SAMMSON: variants seen among roughly 807,000 people sequenced by gnomAD.
SAMMSON encodes the protein survival associated mitochondrial melanoma specific oncogenic non-coding RNA, also known as long intergenic non-protein coding RNA 1212.
At chr3:70,368,951 G>A (rs1374596402) in intron 9 of SAMMSON, among the ~76,000 whole-genome samples, 1 of 151,500 alleles carries the variant, frequency 6.6e-6, no homozygotes, top group Non-Finnish European at 1.5e-5. Flanking sequence ...GATTCTTCTG[G>A]TAAGAATTAA....
chr3:70,102,587 G>A (rs2067350339), intron 4 of SAMMSON, among the ~76,000 whole-genome samples: 1 of 152,146 alleles, frequency 6.6e-6, no homozygotes, highest in Non-Finnish European at 1.5e-5. Flanking sequence ...CTGGGTGGCA[G>A]GGGTGATATC....
chr3:70,226,732 T>C (rs1701510239), intron 4 of SAMMSON, among the ~76,000 whole-genome samples: 1 of 125,530 alleles, frequency 8.0e-6, no homozygotes, highest in Non-Finnish European at 1.6e-5. Flanking sequence ...AGAGAGACTC[T>C]GTCTTAAAAA....
chr3:70,314,827 C>T (rs1046245105), intron 7 of SAMMSON, among the ~76,000 whole-genome samples: 2 of 152,052 alleles, frequency 1.3e-5, no homozygotes, highest in Non-Finnish European at 2.9e-5. Flanking sequence ...CCATTCCTAC[C>T]CACAAACCTG....
intron 9 of SAMMSON, among the ~76,000 whole-genome samples, chr3:70,361,092 G>T (rs1358312204): frequency 6.6e-6 from 1 of 152,136 alleles, no homozygotes; most frequent in Admixed American, 6.6e-5. Context: ...GACACGAAGT[G>T]CTAAGATGGA....
intron 6 of SAMMSON, among the ~76,000 whole-genome samples, chr3:70,257,821 T>A (rs750675903): frequency 5.9e-5 from 9 of 152,174 alleles, no homozygotes; most frequent in Non-Finnish European, 1.0e-4. Flanking sequence ...TAGGTAAGCC[T>A]TAACCATTTT....
chr3:70,220,068 C>T (rs1289159096), intron 4 of SAMMSON, among the ~76,000 whole-genome samples: 1 of 151,968 alleles, frequency 6.6e-6, no homozygotes, highest in Non-Finnish European at 1.5e-5. Flanking sequence ...GCAAGGAAAA[C>T]TAGATCAAAT....
At chr3:70,165,036 T>C (rs2067631664) in intron 4 of SAMMSON, among the ~76,000 whole-genome samples, 1 of 152,036 alleles carries the variant, frequency 6.6e-6, no homozygotes, top group African/African-American at 2.4e-5. Context: ...ATAAGATATG[T>C]TTTCAAGAGA....
intron 2 of SAMMSON, among the ~76,000 whole-genome samples, chr3:70,427,204 T>A (rs1037538792): frequency 1.1e-4 from 16 of 152,160 alleles, no homozygotes; most frequent in Non-Finnish European, 2.2e-4. Flanking sequence ...GCATACAACA[T>A]CTGCAACGGT....
chr3:70,400,406 T>C (rs1701130880), intron 2 of SAMMSON, among the ~76,000 whole-genome samples: 1 of 152,098 alleles, frequency 6.6e-6, no homozygotes, highest in East Asian at 1.9e-4. Context: ...TCTGGTTTCG[T>C]TGGGTCCTCT....
intron 3 of SAMMSON, among the ~76,000 whole-genome samples, chr3:70,053,406 G>A (rs185281150): frequency 2.3e-3 from 347 of 152,204 alleles, no homozygotes; most frequent in African/African-American, 8.1e-3. Flanking sequence ...TGTCAATGGG[G>A]CAATTGAACT....
At chr3:70,100,770 A>G (rs908908565) in intron 4 of SAMMSON, among the ~76,000 whole-genome samples, 6 of 152,078 alleles carry the variant, frequency 3.9e-5, no homozygotes, top group African/African-American at 9.7e-5. Flanking sequence ...TAAGGGGGGA[A>G]AAAATCAACA....
At chr3:70,406,849 A>G (rs1164614490) in intron 2 of SAMMSON, among the ~76,000 whole-genome samples, 1 of 152,210 alleles carries the variant, frequency 6.6e-6, no homozygotes, top group Non-Finnish European at 1.5e-5. Context: ...GTGAGATGAT[A>G]GGCTATGTAA....
chr3:70,280,530 T>C (rs1392977883), intron 6 of SAMMSON, among the ~76,000 whole-genome samples: 1 of 152,152 alleles, frequency 6.6e-6, no homozygotes, highest in Non-Finnish European at 1.5e-5. Flanking sequence ...AAGCATTATC[T>C]CTACTTTTGC....
At chr3:70,388,368 G>T (rs929206791) in intron 9 of SAMMSON, among the ~76,000 whole-genome samples, 13 of 151,828 alleles carry the variant, frequency 8.6e-5, no homozygotes, top group South Asian at 6.2e-4. Flanking sequence ...TTTTCTATTT[G>T]GTTCTTTACA....
intron 9 of SAMMSON, among the ~76,000 whole-genome samples, chr3:70,363,293 C>T (rs1702891038): frequency 6.6e-6 from 1 of 152,016 alleles, no homozygotes; most frequent in Admixed American, 6.6e-5. Flanking sequence ...CCACTTTCAC[C>T]ACTCTTATTC....
Position 70,267,792 on chromosome 3 carries a change from T to A in SAMMSON, n.674+18122T>A, listed in dbSNP as rs988423838. ...GGTCTTCACTGGATGAGAGTTCAGT[T>A]GTTTTTAGGAAACAAGTTTTGTTAG... is the stretch of plus-strand genomic sequence containing the variant. On this transcript the variant is annotated intron_variant and non_coding_transcript_variant, in intron 6 of 9. Coordinates refer to ENST00000642114, the Ensembl canonical transcript of SAMMSON. 1.2e-4 allele frequency among the ~76,000 whole-genome samples: 19 copies of A among 152,228 alleles called. No individual in the cohort carries two copies. In the South Asian group the frequency reaches 3.9e-3, roughly 32 times the overall value.
intron 2 of SAMMSON, among the ~76,000 whole-genome samples, chr3:70,396,758 A>C: frequency 6.6e-6 from 1 of 152,196 alleles, no homozygotes; most frequent in East Asian, 1.9e-4. Context: ...AATCTTTTCC[A>C]GTTCCAAAAC....
chr3:70,086,972 T>G (rs909390284), intron 4 of SAMMSON, among the ~76,000 whole-genome samples: 1 of 152,196 alleles, frequency 6.6e-6, no homozygotes, highest in African/African-American at 2.4e-5. Flanking sequence ...GCAGAGCTCC[T>G]GGCTGAGCCC....
intron 4 of SAMMSON, chr3:70,205,561 T>G (rs1341410833): frequency 2.6e-5 from 4 of 151,874 alleles, no homozygotes; most frequent in African/African-American, 9.7e-5. Flanking sequence ...TATTTTTTTT[T>G]GATCCCCAAC....
Sources: gnomAD v4.1 joint callset for allele counts (sites outside exome capture counted in the v4.1 genomes callset) on GRCh38, gnomAD v4.1.1 for gene constraint, MANE v1.5 for transcripts, NCBI Gene and HGNC (gene_info 2026-07-23, HGNC 2026-07-21) for gene names.